The following SYNM variants were observed in gnomAD, a reference collection of about 807,000 sequenced individuals.
The protein encoded by SYNM is desmuslin.
Under a neutral mutation model 104.0 loss-of-function variants are expected in SYNM, and 95 were observed. The ratio of observed to expected loss-of-function variants is 0.91; its 90% CI spans 0.77 to 1.08. SYNM has a LOEUF of 1.08. SYNM is among the 50% of genes least tolerant of loss of function. The pLI, the probability that SYNM is intolerant of heterozygous loss-of-function variation, is 0.00. For missense variants in SYNM, 2,150 were observed against 2,052.2 expected (o/e 1.05, Z -0.92); for synonymous variants, 918 against 869.0 (o/e 1.06, Z -0.99).
chr15:99,126,640 C>A, intron 2 of SYNM, 82 bp from the exon 3 acceptor site: 2 of 1,319,350 alleles, frequency 1.5e-6, no homozygotes, highest in Non-Finnish European at 1.1e-6. Context: ...GGTCATTGGC[C>A]GCATACCACG....
downstream of SYNM, among the ~76,000 whole-genome samples, chr15:99,138,460 C>G (rs2067811487): frequency 6.6e-6 from 1 of 152,124 alleles, no homozygotes; most frequent in Non-Finnish European, 1.5e-5. Flanking sequence ...ATTACAGGCA[C>G]ATGCCACCAC....
chr15:99,139,658 G>C, downstream of SYNM: 3 of 1,440,578 alleles, frequency 2.1e-6, no homozygotes, highest in Non-Finnish European at 2.8e-6. Context: ...TTTAAAAGTA[G>C]TATTTTTAAA....
In SYNM at chr15:99,133,173, T is replaced by C; in HGVS notation, c.*115T>C. The C allele has an allele frequency of 6.7e-7, 1 of 1,499,486 alleles. No individual in the cohort carries two copies. Among genetic ancestry groups the C allele is most frequent in the Non-Finnish European group, 8.8e-7 (1 of 1,132,326 alleles). The allele number at this position is 1,499,486 out of a possible 1,614,324, so 92.9% of individuals were successfully genotyped here. On this transcript the variant is annotated 3_prime_UTR_variant, in exon 4 of 4. Transcript: ENST00000336292. ...TATGAAAATCTCCCCTTTTTTACTTTTTTAAAGAGTACTCCCGGCATGGTC... is the reference window on the plus strand; with the variant it reads ...TATGAAAATCTCCCCTTTTTTACTTCTTTAAAGAGTACTCCCGGCATGGTC...
downstream of SYNM, chr15:99,140,342 G>A (rs1161999584): frequency 6.6e-6 from 1 of 152,046 alleles, no homozygotes; most frequent in East Asian, 1.9e-4. Context: ...GCAAAACTTG[G>A]AGCTTTTAGA....
chr15:99,124,160 A>G (rs1326312971), intron 2 of SYNM, among the ~76,000 whole-genome samples: 1 of 152,232 alleles, frequency 6.6e-6, no homozygotes, highest in African/African-American at 2.4e-5. Context: ...GATTTCCTCC[A>G]CCGCTCTCAA....
intron 2 of SYNM, among the ~76,000 whole-genome samples, chr15:99,118,262 G>A (rs1248991730): frequency 6.6e-6 from 1 of 152,248 alleles, no homozygotes; most frequent in Non-Finnish European, 1.5e-5. Context: ...CGTCATCCTC[G>A]ATGTGAGTCT....
intron 2 of SYNM, among the ~76,000 whole-genome samples, chr15:99,115,797 G>A (rs143017865): frequency 9.0e-4 from 137 of 152,326 alleles, no homozygotes; most frequent in Admixed American, 1.6e-3. Context: ...ATATCAAGGT[G>A]ACCTGAATTG....
chr15:99,136,515 G>A (rs2067601796), downstream of SYNM: 1 of 152,232 alleles, frequency 6.6e-6, no homozygotes, highest in Non-Finnish European at 1.5e-5. Context: ...GCAGACGGCT[G>A]TCTTCTCACT....
Position 99,105,445 on chromosome 15 carries a change from G to C in SYNM, c.246G>C (p.Glu82Asp), listed in dbSNP as rs1345398197. 7 of 1,433,346 alleles carry C rather than the reference G, an allele frequency of 4.9e-6. No homozygotes were observed. The highest frequency in any genetic ancestry group is 6.4e-6 in the Non-Finnish European group (7 of 1,098,940). 88.8% of individuals were successfully genotyped at this position (1,433,346 alleles called of 1,614,324 possible). Residue 82 changes from glutamate to aspartate, a missense_variant, in exon 1 of 4, where the codon GAG (glutamate) becomes GAC (aspartate). Coordinates refer to ENST00000336292, the MANE Select transcript of SYNM (RefSeq NM_145728.3). ...TGAGCTGGGCCACTGCGCTGGCGGA[G>C]GGCGAGCGGGACGCTCTGCGGCGCG... ...DELSWATALA[E>D]GERDALRREL...
At chr15:99,107,943 TTTGTTTTGTTTTTTTTTTGGTTTTGG>T (rs1476632913) in intron 1 of SYNM, among the ~76,000 whole-genome samples, 2,344 of 126,512 alleles carry the variant, frequency 0.019, 54 homozygotes, top group African/African-American at 0.074. Flanking sequence ...TTTTTTGTTT[TTTGTTTTGTTTTTTTTTTGGTTTTGG>T]TTTTGGTTTT....
chr15:99,123,629 C>A (rs943323294), intron 2 of SYNM, among the ~76,000 whole-genome samples: 21 of 152,236 alleles, frequency 1.4e-4, no homozygotes, highest in African/African-American at 5.1e-4. Context: ...TCGAGGGAGG[C>A]GGCTCTGCGG....
chr15:99,129,904 C>G lies in SYNM; in HGVS notation c.1544C>G (p.Thr515Ser), dbSNP rs1555485488. The G allele has an allele frequency of 6.2e-7, 1 of 1,612,782 alleles. No individual in the cohort carries two copies. Among genetic ancestry groups the G allele is most frequent in the East Asian group, 2.2e-5 (1 of 44,858 alleles). The part of the protein sequence containing the change: ...TREQERNRPE[T>S]IRTKPEEKMF... Reference sequence around the variant, plus strand: ...GAGCAAGAAAGAAACAGACCAGAAACCATCCGAACAAAGCCAGAAGAGAAA... The same window carrying G: ...GAGCAAGAAAGAAACAGACCAGAAAGCATCCGAACAAAGCCAGAAGAGAAA... The change falls in exon 4 of 4, where the codon ACC becomes AGC. Residue 515 changes from threonine (T) to serine (S), a missense_variant. Coordinates refer to ENST00000336292, the MANE Select transcript of SYNM (RefSeq NM_145728.3).
At position 99,130,180 on chromosome 15, in the gene SYNM, C is replaced by G. The variant is rs781890345; in HGVS notation, c.1820C>G (p.Thr607Ser). 5 of 1,613,852 alleles carry G rather than the reference C, an allele frequency of 3.1e-6. No homozygotes were observed. In the South Asian group the frequency reaches 5.5e-5, roughly 18 times the overall value. ...QTPVKDAGGG[T>S]GREAEARELR... ...CCTGTGAAGGATGCTGGTGGTGGGA[C>G]CGGTAGAGAGGCAGAAGCAAGAGAG... The change falls in exon 4 of 4, where the codon ACC (threonine) becomes AGC (serine). Residue 607 changes from threonine (T) to serine (S), a missense_variant. Transcript: ENST00000336292.
chr15:99,139,150 A>T, downstream of SYNM: 1 of 805,874 alleles, frequency 1.2e-6, no homozygotes, highest in South Asian at 1.5e-5. Context: ...GGCAAGGAAG[A>T]TCTTTTACAA....
At chr15:99,125,371 G>A (rs1376280685) in intron 2 of SYNM, among the ~76,000 whole-genome samples, 1 of 152,232 alleles carries the variant, frequency 6.6e-6, no homozygotes, top group African/African-American at 2.4e-5. Context: ...TGGTCATGAG[G>A]GCGTGGGATT....
intron 2 of SYNM, among the ~76,000 whole-genome samples, chr15:99,121,988 A>G (rs1180441530): frequency 2.0e-5 from 3 of 152,260 alleles, no homozygotes; most frequent in Non-Finnish European, 4.4e-5. Context: ...ACCTGAAAGA[A>G]AAAATGGAAA....
rs200086113 is a variant in SYNM at position 99,113,631 on chromosome 15, C to T, written c.851C>T (p.Thr284Ile). Residue 284 changes from threonine (T) to isoleucine (I), a missense_variant, in exon 2 of 4, where the codon ACC (threonine) becomes ATC (isoleucine). Thr to Ile is a moderately conservative substitution (Grantham distance 89, BLOSUM62 -1). Transcript: ENST00000336292. ...CTGGAGGATGAGAAGGCAACCCTCA[C>T]CTTGGCCATGGCTGACTGGCTGCGG... The part of the protein sequence containing the change: ...DCLEDEKATL[T>I]LAMADWLRDY... 372 of 1,613,658 alleles carry T rather than the reference C, an allele frequency of 2.3e-4. No individual in the cohort carries two copies. Among genetic ancestry groups the T allele is most frequent in the Admixed American group, 4.0e-4 (24 of 59,980 alleles).
intron 2 of SYNM, 58 bp downstream of exon 2, chr15:99,113,773 G>A: frequency 1.9e-6 from 3 of 1,598,484 alleles, no homozygotes; most frequent in Non-Finnish European, 2.6e-6. Context: ...ACTTGCACAT[G>A]AAGGAAACTG....
Position 99,105,804 on chromosome 15 carries a change from A to G in SYNM, c.605A>G (p.Tyr202Cys). The G allele has an allele frequency of 1.3e-6, 2 of 1,541,002 alleles. No individual in the cohort carries two copies. The highest frequency in any genetic ancestry group is 1.7e-6 in the Non-Finnish European group (2 of 1,145,020). ...AESWRETVQL[Y>C]EDEVRELEEA... ...TCGTGGCGGGAGACGGTGCAGCTGT[A>G]CGAGGACGAGGTGCGCGAGCTGGAG... Residue 202 changes from tyrosine to cysteine, a missense_variant, in exon 1 of 4, where the codon TAC becomes TGC. Transcript: ENST00000336292.
Sources: gnomAD v4.1 joint callset for allele counts (sites outside exome capture counted in the v4.1 genomes callset) on GRCh38, gnomAD v4.1.1 for gene constraint, MANE v1.5 for transcripts, NCBI Gene and HGNC (gene_info 2026-07-23, HGNC 2026-07-21) for gene names.